LPP: variants seen among roughly 807,000 people sequenced by gnomAD.
The protein encoded by LPP is LIM domain containing preferred translocation partner in lipoma.
Under a neutral mutation model 60.4 loss-of-function variants are expected in LPP, and 38 were observed. The observed-to-expected ratio is 0.63, with a 90% CI of 0.49 to 0.83. LPP has a LOEUF of 0.83. Among genes scored for constraint, LPP ranks in the 40% least tolerant of loss-of-function variants. The pLI is 0.00. For synonymous variants in LPP, 328 were observed against 290.8 expected (o/e 1.13, Z -1.30); for missense variants, 902 against 783.6 (o/e 1.15, Z -1.80).
intron 8 of LPP, among the ~76,000 whole-genome samples, chr3:188,755,893 A>G (rs963568179): frequency 6.8e-5 from 10 of 146,344 alleles, no homozygotes; most frequent in Middle Eastern, 3.6e-3. Flanking sequence ...ATATCACGCT[A>G]TGCCACTTCT....
At chr3:188,712,523 C>T (rs922706185) in intron 8 of LPP, 4 of 152,246 alleles carry the variant, frequency 2.6e-5, no homozygotes, top group Admixed American at 2.6e-4. Context: ...ATCAGCAGGG[C>T]CTGACCCAAG....
At chr3:188,250,025 G>T (rs1354142580) in intron 2 of LPP, among the ~76,000 whole-genome samples, 1 of 151,750 alleles carries the variant, frequency 6.6e-6, no homozygotes, top group Non-Finnish European at 1.5e-5. Context: ...TCACAGTATG[G>T]TAATCAGCTT....
At chr3:188,223,506 C>T (rs573538434) in intron 1 of LPP, among the ~76,000 whole-genome samples, 17 of 152,242 alleles carry the variant, frequency 1.1e-4, no homozygotes, top group African/African-American at 4.1e-4. Context: ...GGTTCTTTAG[C>T]AAAGCTGCTT....
chr3:188,819,726 G>A (rs1753455922), intron 9 of LPP, among the ~76,000 whole-genome samples: 1 of 152,094 alleles, frequency 6.6e-6, no homozygotes, highest in South Asian at 2.1e-4. Context: ...TGAACACATG[G>A]GTGGCGATGA....
intron 7 of LPP, among the ~76,000 whole-genome samples, chr3:188,653,069 C>T (rs6766918): frequency 0.93 from 141,895 of 152,294 alleles, 66,702 homozygotes; most frequent in East Asian, 1. Context: ...CAAGAAGAGT[C>T]GTCTTGAGAC....
chr3:188,236,997 C>A (rs1398245075), intron 2 of LPP, among the ~76,000 whole-genome samples: 1 of 152,182 alleles, frequency 6.6e-6, no homozygotes, highest in Non-Finnish European at 1.5e-5. Context: ...TTCAAGAAAA[C>A]TTCTTTCAAA....
chr3:188,237,385 A>G (rs1722293635), intron 2 of LPP, among the ~76,000 whole-genome samples: 1 of 152,182 alleles, frequency 6.6e-6, no homozygotes, highest in South Asian at 2.1e-4. Context: ...ATGAATCACA[A>G]ATGTTCTTAA....
At chr3:188,655,265 C>A (rs1401368872) in intron 7 of LPP, among the ~76,000 whole-genome samples, 1 of 151,980 alleles carries the variant, frequency 6.6e-6, no homozygotes, top group Non-Finnish European at 1.5e-5. Flanking sequence ...TAAAAAAGTG[C>A]CCAGAAGGGA....
At chr3:188,817,207 G>A (rs1440155671) in intron 9 of LPP, among the ~76,000 whole-genome samples, 1 of 152,196 alleles carries the variant, frequency 6.6e-6, no homozygotes, top group African/African-American at 2.4e-5. Flanking sequence ...TGTGTTGAGA[G>A]CACTGGTGAT....
At chr3:188,297,235 C>G (rs1748225676) in intron 2 of LPP, among the ~76,000 whole-genome samples, 1 of 152,148 alleles carries the variant, frequency 6.6e-6, no homozygotes, top group Non-Finnish European at 1.5e-5. Flanking sequence ...TGTAACACTG[C>G]CAAGGTCCAT....
chr3:188,407,011 A>G (rs929429341), intron 4 of LPP, among the ~76,000 whole-genome samples: 1 of 152,126 alleles, frequency 6.6e-6, no homozygotes, highest in Non-Finnish European at 1.5e-5. Context: ...TCTTTGGTTG[A>G]AAAGGTTCCA....
At chr3:188,724,080 A>C (rs1256196058) in intron 8 of LPP, among the ~76,000 whole-genome samples, 1 of 152,216 alleles carries the variant, frequency 6.6e-6, no homozygotes, top group Admixed American at 6.5e-5. Context: ...GCTTAAAATA[A>C]GACTAGTACA....
At chr3:188,222,965 ATCT>A (rs1435976392) in intron 1 of LPP, among the ~76,000 whole-genome samples, 8 of 152,202 alleles carry the variant, frequency 5.3e-5, no homozygotes, top group Admixed American at 3.9e-4. Context: ...ATTTCATACC[ATCT>A]TCTTCTGCCA....
chr3:188,323,296 T>C (rs549323889), intron 2 of LPP, among the ~76,000 whole-genome samples: 38 of 152,282 alleles, frequency 2.5e-4, no homozygotes, highest in African/African-American at 8.7e-4. Flanking sequence ...AAGCACAGTG[T>C]GGGTAACTAG....
At chr3:188,419,716 C>T (rs1440250902) in intron 4 of LPP, among the ~76,000 whole-genome samples, 2 of 152,098 alleles carry the variant, frequency 1.3e-5, no homozygotes, top group East Asian at 3.9e-4. Context: ...ATGGCAAAAC[C>T]CCGACTTTAC....
At chr3:188,751,890 A>T (rs1322277848) in intron 8 of LPP, among the ~76,000 whole-genome samples, 1 of 152,180 alleles carries the variant, frequency 6.6e-6, no homozygotes, top group African/African-American at 2.4e-5. Context: ...TAGGATTAGG[A>T]TTAGGATTGA....
chr3:188,602,985 A>T (rs965256542), intron 6 of LPP, among the ~76,000 whole-genome samples: 1 of 150,976 alleles, frequency 6.6e-6, no homozygotes, highest in Admixed American at 6.6e-5. Context: ...ACTACAGGTG[A>T]CCTGCAGAAA....
At chr3:188,312,664 C>A (rs1247387125) in intron 2 of LPP, among the ~76,000 whole-genome samples, 1 of 152,032 alleles carries the variant, frequency 6.6e-6, no homozygotes, top group Non-Finnish European at 1.5e-5. Flanking sequence ...TGATATTTTT[C>A]TGGATCTGCA....
At chr3:188,440,512 T>C (rs1182259731) in intron 4 of LPP, among the ~76,000 whole-genome samples, 1 of 152,196 alleles carries the variant, frequency 6.6e-6, no homozygotes, top group Non-Finnish European at 1.5e-5. Context: ...ATCAGCTTTT[T>C]AAATATAGGA....
Sources: allele counts gnomAD v4.1 joint callset (sites outside exome capture counted in the v4.1 genomes callset), GRCh38; gene constraint gnomAD v4.1.1; transcripts MANE v1.5; gene names NCBI Gene and HGNC (gene_info 2026-07-23, HGNC 2026-07-21).